ATE1: variants seen among roughly 807,000 people sequenced by gnomAD.
ATE1 encodes the protein arginyltransferase 1.
Under a neutral mutation model 70.5 loss-of-function variants are expected in ATE1, and 36 were observed. The ratio of observed to expected loss-of-function variants is 0.51; its 90% CI spans 0.39 to 0.67. The LOEUF is 0.67. Ranked by LOEUF, ATE1 falls within the 30% of genes least tolerant of loss-of-function variation. The pLI is 0.00. For missense variants in ATE1, 593 were observed against 629.5 expected (o/e 0.94, Z 0.62); for synonymous variants, 232 against 219.3 (o/e 1.06, Z -0.51).
chr10:121,786,406 C>T (rs893606214), intron 11 of ATE1, among the ~76,000 whole-genome samples: 19 of 151,938 alleles, frequency 1.3e-4, no homozygotes, highest in African/African-American at 4.4e-4. Context: ...TGGTGGTTCA[C>T]GCCTATAATC....
intron 11 of ATE1, among the ~76,000 whole-genome samples, chr10:121,788,105 T>C (rs1313829788): frequency 6.6e-6 from 1 of 152,208 alleles, no homozygotes. Context: ...CTAGACTGAC[T>C]GACCCTAAAA....
chr10:121,837,704 G>GT (rs1361371245), intron 9 of ATE1, among the ~76,000 whole-genome samples: 1 of 152,038 alleles, frequency 6.6e-6, no homozygotes, highest in Non-Finnish European at 1.5e-5. Context: ...AATTATTACC[G>GT]TAAGAATTCA....
intron 10 of ATE1, among the ~76,000 whole-genome samples, chr10:121,829,408 G>C (rs1948147254): frequency 6.8e-6 from 1 of 147,018 alleles, no homozygotes; most frequent in South Asian, 2.2e-4. Context: ...TGGCAACAGA[G>C]CAAGACTTTG....
intron 5 of ATE1, among the ~76,000 whole-genome samples, chr10:121,903,023 G>A (rs1047647244): frequency 1.4e-5 from 2 of 143,432 alleles, no homozygotes; most frequent in Non-Finnish European, 3.1e-5. Context: ...GTGCCACCGT[G>A]CCTGGCTAAT....
chr10:121,902,011 T>C lies in ATE1; in HGVS notation c.813+380A>G, dbSNP rs886774563. On this transcript the variant is annotated intron_variant, in intron 6 of 11. Transcript: ENST00000224652. ...GATCAGAATATTATAATGGATGAAATAGTGATTTGCCTTGTGTAATCTATT... is the reference window on the plus strand; with the variant it reads ...GATCAGAATATTATAATGGATGAAACAGTGATTTGCCTTGTGTAATCTATT... Among the ~76,000 whole-genome samples the C allele has an allele frequency of 1.1e-4, 16 of 152,164 alleles. No homozygotes were observed. The East Asian group carries it at 1.3e-3, about 13-fold the overall frequency.
Position 121,888,169 on chromosome 10 carries a change from C to T in ATE1, c.942+11697G>A, listed in dbSNP as rs191400437. Among the ~76,000 whole-genome samples the T allele has an allele frequency of 4.5e-4, 68 of 152,220 alleles. No homozygotes were observed. In the East Asian group the frequency reaches 0.012, roughly 27 times the overall value. ...CAGCACTTTGGGAGGCCAAGGTGGG[C>T]GGATCCCAAGGTCAGGAGATCGAGA... is the stretch of plus-strand genomic sequence containing the variant. On this transcript the variant is annotated intron_variant, in intron 7 of 11. Transcript: ENST00000224652.
Position 121,843,571 on chromosome 10 carries a change from T to C in ATE1, c.976-2308A>G, listed in dbSNP as rs555273867. Among the ~76,000 whole-genome samples, 16 of 152,274 alleles carry C rather than the reference T, an allele frequency of 1.1e-4. No individual in the cohort carries two copies. The East Asian group carries it at 2.3e-3, about 22-fold the overall frequency. On this transcript the variant is annotated intron_variant, in intron 8 of 11. Transcript: ENST00000224652. ...ACCTGTAATAATCAAGATGGAGTGATATTGGTGAAAGAACAGACATAGGTC... is the reference window on the plus strand; with the variant it reads ...ACCTGTAATAATCAAGATGGAGTGACATTGGTGAAAGAACAGACATAGGTC...
In ATE1 at chr10:121,915,505, G is replaced by A. The variant is rs566842759; in HGVS notation, c.234-1612C>T. Among the ~76,000 whole-genome samples the A allele has an allele frequency of 2.8e-4, 43 of 152,262 alleles. 1 individual carries two copies. The highest frequency in any genetic ancestry group is 6.8e-3 in the Middle Eastern group (2 of 294). On this transcript the variant is annotated intron_variant, in intron 3 of 11. Transcript: ENST00000224652. ...AAGGATAAGATGGGACGAGCCCCCA[G>A]ATAAGAAGGGCCCCTCCAGTTTGTC...
chr10:121,763,611 G>A (rs1945148167), intron 11 of ATE1, among the ~76,000 whole-genome samples: 1 of 152,136 alleles, frequency 6.6e-6, no homozygotes, highest in African/African-American at 2.4e-5. Flanking sequence ...GGGAGGGAGG[G>A]ATGAACAGAT....
At chr10:121,874,738 G>A (rs1213019911) in intron 7 of ATE1, among the ~76,000 whole-genome samples, 1 of 152,176 alleles carries the variant, frequency 6.6e-6, no homozygotes, top group Non-Finnish European at 1.5e-5. Context: ...GGGTGCAGTG[G>A]TTCACACCTG....
At chr10:121,750,664 G>A (rs946534930) in intron 11 of ATE1, among the ~76,000 whole-genome samples, 2 of 152,144 alleles carry the variant, frequency 1.3e-5, no homozygotes, top group Non-Finnish European at 2.9e-5. Flanking sequence ...TATTCTTAAA[G>A]AGACTTTATA....
intron 6 of ATE1, among the ~76,000 whole-genome samples, chr10:121,900,371 G>C (rs1053034652): frequency 6.6e-6 from 1 of 152,096 alleles, no homozygotes; most frequent in African/African-American, 2.4e-5. Flanking sequence ...CTAAAAATAT[G>C]AATACATTTT....
At position 121,771,553 on chromosome 10, in the gene ATE1, T is replaced by C. The variant is rs1945518181; in HGVS notation, c.1378+18616A>G. Among the ~76,000 whole-genome samples, 4 of 152,218 alleles carry C rather than the reference T, an allele frequency of 2.6e-5. No individual in the cohort carries two copies. The South Asian group carries it at 6.2e-4, about 24-fold the overall frequency. Reference sequence around the variant, plus strand: ...TCAGTTTATCTTAAGGTCCTAAAGCTTGTTCACACTCCAGACATGAAACAC... The same window carrying C: ...TCAGTTTATCTTAAGGTCCTAAAGCCTGTTCACACTCCAGACATGAAACAC... On this transcript the variant is annotated intron_variant, in intron 11 of 11. Coordinates refer to ENST00000224652, the MANE Select transcript of ATE1 (RefSeq NM_001001976.3).
chr10:121,754,288 G>A (rs1057352876), intron 11 of ATE1, among the ~76,000 whole-genome samples: 1 of 152,000 alleles, frequency 6.6e-6, no homozygotes, highest in Admixed American at 6.6e-5. Context: ...AAATAACTAG[G>A]GCTCCTTGGA....
At chr10:121,841,629 A>G (rs1201131428) in intron 8 of ATE1, among the ~76,000 whole-genome samples, 1 of 152,204 alleles carries the variant, frequency 6.6e-6, no homozygotes, top group Admixed American at 6.5e-5. Flanking sequence ...ACCTGGATAG[A>G]GTTGAGGACC....
At chr10:121,838,544 G>A (rs1444002579) in intron 9 of ATE1, among the ~76,000 whole-genome samples, 1 of 151,878 alleles carries the variant, frequency 6.6e-6, no homozygotes, top group Non-Finnish European at 1.5e-5. Context: ...TTCTTCCTTT[G>A]CCCCTGAAAT....
intron 10 of ATE1, among the ~76,000 whole-genome samples, chr10:121,832,778 C>G (rs772039748): frequency 6.6e-6 from 1 of 152,154 alleles, no homozygotes; most frequent in Non-Finnish European, 1.5e-5. Flanking sequence ...AATACTCTGC[C>G]ATTGGCCTCT....
chr10:121,898,019 G>C (rs1046296905), intron 7 of ATE1, among the ~76,000 whole-genome samples: 3 of 151,690 alleles, frequency 2.0e-5, no homozygotes, highest in Non-Finnish European at 4.4e-5. Flanking sequence ...CTTACACATC[G>C]TGTCATTAAA....
At chr10:121,839,038 G>A (rs1181226802) in intron 9 of ATE1, among the ~76,000 whole-genome samples, 3 of 152,038 alleles carry the variant, frequency 2.0e-5, no homozygotes, top group Non-Finnish European at 4.4e-5. Flanking sequence ...TTTGCTTCAA[G>A]AGGTCAATCC....
Sources: allele counts gnomAD v4.1 joint callset (sites outside exome capture counted in the v4.1 genomes callset), GRCh38; gene constraint gnomAD v4.1.1; transcripts MANE v1.5; gene names NCBI Gene and HGNC (gene_info 2026-07-23, HGNC 2026-07-21).